The following FTO variants were observed in gnomAD, a reference collection of about 807,000 sequenced individuals.
FTO encodes the protein FTO alpha-ketoglutarate dependent dioxygenase, also known as alpha-ketoglutarate-dependent dioxygenase FTO.
A neutral mutation model predicts 63.9 loss-of-function variants in FTO; 47 were observed. The observed-to-expected ratio is 0.74, with a 90% CI of 0.58 to 0.94. The LOEUF is 0.94. FTO is among the 40% of genes least tolerant of loss of function. The pLI, the probability that FTO is intolerant of heterozygous loss-of-function variation, is 0.00. For synonymous variants in FTO, 207 were observed against 224.4 expected (o/e 0.92, Z 0.69); for missense variants, 562 against 618.1 (o/e 0.91, Z 0.96).
intron 4 of FTO, among the ~76,000 whole-genome samples, chr16:53,855,221 A>G (rs2079951748): frequency 6.6e-6 from 1 of 152,142 alleles, no homozygotes; most frequent in African/African-American, 2.4e-5. Context: ...CTACACAATC[A>G]TATTACTGGC....
chr16:54,086,380 C>A (rs1398942423), intron 8 of FTO, among the ~76,000 whole-genome samples: 1 of 152,054 alleles, frequency 6.6e-6, no homozygotes, highest in Admixed American at 6.5e-5. Flanking sequence ...GGATCCTGCC[C>A]ACAGCAACCA....
At chr16:53,962,797 T>G (rs527638970) in intron 8 of FTO, among the ~76,000 whole-genome samples, 1 of 152,324 alleles carries the variant, frequency 6.6e-6, no homozygotes, top group East Asian at 1.9e-4. Flanking sequence ...GAAGCTCTTT[T>G]AACAACTCAA....
intron 8 of FTO, among the ~76,000 whole-genome samples, chr16:53,979,106 ATAT>A (rs2083487477): frequency 6.6e-6 from 1 of 152,220 alleles, no homozygotes; most frequent in Non-Finnish European, 1.5e-5. Flanking sequence ...TTTTCATAGA[ATAT>A]TATTACATAC....
chr16:53,762,123 A>G (rs1457284551), intron 1 of FTO, among the ~76,000 whole-genome samples: 1 of 152,180 alleles, frequency 6.6e-6, no homozygotes, highest in Non-Finnish European at 1.5e-5. Context: ...GGAAATCTGG[A>G]ACTTGAGTTC....
chr16:54,011,884 C>T lies in FTO; in HGVS notation c.1364+77775C>T, dbSNP rs114205385. ...TGTTGTGTGTGTTCTGAGTGATCCA[C>T]CAACCTGCCATTCCTTCATCTCTCT... On this transcript the variant is annotated intron_variant, in intron 8 of 8. Transcript: ENST00000471389. 3.9e-3 allele frequency among the ~76,000 whole-genome samples: 591 copies of T among 152,238 alleles called. 3 individuals carry two copies. Among genetic ancestry groups the T allele is most frequent in the African/African-American group, 0.014 (574 of 41,548 alleles).
At chr16:53,764,939 C>T (rs1040036682) in intron 1 of FTO, among the ~76,000 whole-genome samples, 28 of 152,060 alleles carry the variant, frequency 1.8e-4, no homozygotes, top group Middle Eastern at 3.4e-3. Flanking sequence ...AGGCTGGTCT[C>T]GATTTCCTGA....
chr16:53,784,477 C>G (rs1392617742), intron 1 of FTO, among the ~76,000 whole-genome samples: 1 of 152,112 alleles, frequency 6.6e-6, no homozygotes, highest in Non-Finnish European at 1.5e-5. Context: ...TTCCAGGATT[C>G]CTTTTCCCTG....
chr16:53,951,521 G>A lies in FTO; in HGVS notation c.1364+17412G>A, dbSNP rs547573696. 9.7e-5 allele frequency among the ~76,000 whole-genome samples: 11 copies of A among 112,948 alleles called. 1 individual carries two copies. The highest frequency in any genetic ancestry group is 8.6e-4 in the South Asian group (3 of 3,474). The allele number at this position is 112,948 out of a possible 152,430, so 74.1% of individuals were successfully genotyped here. A position where few individuals can be genotyped will look rare whatever the true frequency, so the allele number is the denominator to read the frequency against. ...TCAGAGAGTCCTGAAGTAGTGCGCT[G>A]TGCGTGGCACACAAGATGATTCTGT... On this transcript the variant is annotated intron_variant, in intron 8 of 8. Transcript: ENST00000471389.
intron 8 of FTO, among the ~76,000 whole-genome samples, chr16:53,966,699 A>G (rs2083203786): frequency 6.6e-6 from 1 of 152,228 alleles, no homozygotes; most frequent in Non-Finnish European, 1.5e-5. Flanking sequence ...CCAAGCCAAG[A>G]ATAGCCTCCA....
At chr16:53,986,186 C>G (rs536901465) in intron 8 of FTO, among the ~76,000 whole-genome samples, 1 of 152,284 alleles carries the variant, frequency 6.6e-6, no homozygotes, top group South Asian at 2.1e-4. Context: ...ATCTTTTTCT[C>G]ATTCTGTTTA....
At chr16:54,081,329 T>A (rs1015279) in intron 8 of FTO, among the ~76,000 whole-genome samples, 18,145 of 152,244 alleles carry the variant, frequency 0.12, 1,398 homozygotes, top group East Asian at 0.19. Flanking sequence ...GTGTCCTAAT[T>A]TCATTTTCCA....
At chr16:53,784,645 C>G (rs1288540706) in intron 1 of FTO, among the ~76,000 whole-genome samples, 1 of 152,120 alleles carries the variant, frequency 6.6e-6, no homozygotes, top group East Asian at 1.9e-4. Context: ...GCTTTACTTA[C>G]TATAATTGCT....
chr16:53,887,852 T>A (rs2081041747), intron 6 of FTO: 1 of 152,160 alleles, frequency 6.6e-6, no homozygotes, highest in East Asian at 1.9e-4. Flanking sequence ...CGGTTTAATG[T>A]ATGCCTCCAT....
At chr16:53,935,854 G>A (rs1192293249) in intron 8 of FTO, 1 of 152,146 alleles carries the variant, frequency 6.6e-6, no homozygotes, top group Non-Finnish European at 1.5e-5. Flanking sequence ...ATCAGTTTGT[G>A]GACATCTAAG....
At chr16:54,031,367 A>T (rs952651647) in intron 8 of FTO, among the ~76,000 whole-genome samples, 3 of 152,170 alleles carry the variant, frequency 2.0e-5, no homozygotes, top group Non-Finnish European at 4.4e-5. Context: ...CTAAGTGAGG[A>T]GATGGGAGAT....
At chr16:54,079,592 A>G (rs892599651) in intron 8 of FTO, among the ~76,000 whole-genome samples, 3 of 152,212 alleles carry the variant, frequency 2.0e-5, no homozygotes, top group African/African-American at 7.2e-5. Flanking sequence ...GAAGTGCAAT[A>G]GAGAGGCAAC....
intron 8 of FTO, among the ~76,000 whole-genome samples, chr16:54,075,963 CT>C (rs2085982103): frequency 6.6e-6 from 1 of 152,122 alleles, no homozygotes; most frequent in African/African-American, 2.4e-5. Context: ...GAATCTGTCA[CT>C]AGAATATGCG....
chr16:53,917,526 T>C lies in FTO; in HGVS notation c.1240-16459T>C, dbSNP rs545280756. ...GGCTTGGCACACGGTAAGTGTAAAA[T>C]AAGTAATAGTTATTGTTATGTTTTT... On this transcript the variant is annotated intron_variant, in intron 7 of 8. Coordinates refer to ENST00000471389, the MANE Select transcript of FTO (RefSeq NM_001080432.3). 1.1e-4 allele frequency among the ~76,000 whole-genome samples: 16 copies of C among 152,328 alleles called. No homozygotes were observed. The East Asian group carries it at 2.5e-3, about 24-fold the overall frequency.
chr16:53,867,331 A>G (rs2080347627), intron 4 of FTO, among the ~76,000 whole-genome samples: 1 of 152,166 alleles, frequency 6.6e-6, no homozygotes, highest in South Asian at 2.1e-4. Flanking sequence ...GAAGAATGAT[A>G]TAGATCAGAA....
Sources: allele counts gnomAD v4.1 joint callset (sites outside exome capture counted in the v4.1 genomes callset), GRCh38; gene constraint gnomAD v4.1.1; transcripts MANE v1.5; gene names NCBI Gene and HGNC (gene_info 2026-07-23, HGNC 2026-07-21).